STK3: variants seen among roughly 807,000 people sequenced by gnomAD.
STK3 encodes serine/threonine kinase 3, also known as serine/threonine-protein kinase 3.
A neutral mutation model predicts 58.0 loss-of-function variants in STK3; 41 were observed. The ratio of observed to expected loss-of-function variants is 0.71; its 90% CI spans 0.55 to 0.92. STK3 has a LOEUF of 0.92. Among genes scored for constraint, STK3 ranks in the 40% least tolerant of loss-of-function variants. The pLI is 0.00. For missense variants in STK3, 479 were observed against 602.7 expected, an observed-to-expected ratio of 0.79 and a Z score of 2.15; for synonymous variants, 170 against 191.0, an observed-to-expected ratio of 0.89 and a Z score of 0.91.
chr8:98,352,075 T>G, the STK3 span, among the ~76,000 whole-genome samples: 1 of 147,246 alleles, frequency 6.8e-6, no homozygotes, highest in Admixed American at 7.0e-5. Flanking sequence ...AGATGGAGCT[T>G]GTAGTGAGCT....
chr8:98,841,759 T>C (rs2131810754), intron 3 of STK3, among the ~76,000 whole-genome samples: 1 of 138,682 alleles, frequency 7.2e-6, no homozygotes, highest in South Asian at 2.4e-4. Context: ...CTATGGAAAA[T>C]GGAAAAAGAT....
chr8:98,364,560 G>A, the STK3 span, among the ~76,000 whole-genome samples: 15 of 152,234 alleles, frequency 9.9e-5, no homozygotes, highest in Non-Finnish European at 4.4e-5. Context: ...CCCAGCATGC[G>A]CCTCTCTCCC....
At chr8:98,885,478 T>C (rs1030834610) in intron 1 of STK3, among the ~76,000 whole-genome samples, 1 of 152,236 alleles carries the variant, frequency 6.6e-6, no homozygotes, top group Non-Finnish European at 1.5e-5. Context: ...TCATTCTTGT[T>C]GCCCAGGCTG....
At chr8:98,652,173 T>C (rs557659317) in intron 6 of STK3, among the ~76,000 whole-genome samples, 4 of 152,296 alleles carry the variant, frequency 2.6e-5, no homozygotes, top group African/African-American at 7.2e-5. Flanking sequence ...TGGGGGCCAA[T>C]ATTCAAGATT....
At chr8:98,442,521 A>G (rs898222264) in intron 1 of STK3, among the ~76,000 whole-genome samples, 2 of 152,266 alleles carry the variant, frequency 1.3e-5, no homozygotes, top group Non-Finnish European at 2.9e-5. Context: ...GGTTTTAGGG[A>G]AAGTGTAGGA....
At chr8:98,444,756 AAGG>A (rs968651626) in intron 1 of STK3, among the ~76,000 whole-genome samples, 3 of 152,186 alleles carry the variant, frequency 2.0e-5, no homozygotes, top group African/African-American at 4.8e-5. Context: ...GTGAAGTTTT[AAGG>A]AGAAGTTTGG....
At chr8:98,570,887 C>T (rs1334246724) in intron 8 of STK3, among the ~76,000 whole-genome samples, 1 of 152,192 alleles carries the variant, frequency 6.6e-6, no homozygotes, top group Non-Finnish European at 1.5e-5. Flanking sequence ...TATTTGGGAA[C>T]AGAACTAGAA....
At chr8:98,902,016 C>T (rs758001413) in intron 1 of STK3, among the ~76,000 whole-genome samples, 1 of 152,176 alleles carries the variant, frequency 6.6e-6, no homozygotes, top group Non-Finnish European at 1.5e-5. Flanking sequence ...CAGAAACATT[C>T]CACACAATTG....
intron 6 of STK3, among the ~76,000 whole-genome samples, chr8:98,628,243 T>C (rs921054039): frequency 6.6e-6 from 1 of 152,190 alleles, no homozygotes; most frequent in Non-Finnish European, 1.5e-5. Flanking sequence ...CCTTCGCTCA[T>C]GGCCTCCTTC....
At position 98,605,999 on chromosome 8, in the gene STK3, A is replaced by G. The variant is rs537044849; in HGVS notation, c.685-9830T>C. 9.2e-5 allele frequency among the ~76,000 whole-genome samples: 14 copies of G among 152,304 alleles called. No homozygotes were observed. The East Asian group carries it at 2.7e-3, about 29-fold the overall frequency. Reference sequence around the variant, plus strand: ...TCCCAGCGCTTTGAGAGGCTGAGGCAGTCGGATCACCTGAGGTCAGGAGTT... The same window carrying G: ...TCCCAGCGCTTTGAGAGGCTGAGGCGGTCGGATCACCTGAGGTCAGGAGTT... On this transcript the variant is annotated intron_variant, in intron 6 of 10. Transcript: ENST00000419617.
intron 1 of STK3, among the ~76,000 whole-genome samples, chr8:98,449,001 G>C (rs1819077910): frequency 6.6e-6 from 1 of 152,238 alleles, no homozygotes; most frequent in South Asian, 2.1e-4. Context: ...ACTGAAAGGT[G>C]CTTGCCTGGT....
chr8:98,888,846 T>C (rs1838091847), intron 1 of STK3, among the ~76,000 whole-genome samples: 1 of 152,234 alleles, frequency 6.6e-6, no homozygotes, highest in African/African-American at 2.4e-5. Context: ...ATGGCCCCTG[T>C]AATTTAGCTA....
At chr8:98,476,361 A>T (rs1347748747) in intron 10 of STK3, among the ~76,000 whole-genome samples, 1 of 152,216 alleles carries the variant, frequency 6.6e-6, no homozygotes, top group Admixed American at 6.5e-5. Context: ...GAAAAGTCCA[A>T]GGTAATTATC....
the STK3 span, among the ~76,000 whole-genome samples, chr8:98,360,267 T>C: frequency 1.3e-5 from 2 of 152,180 alleles, no homozygotes; most frequent in African/African-American, 4.8e-5. Context: ...CTGGTATCTC[T>C]CTCCCACGTT....
chr8:98,813,068 CAA>C (rs1834329937), intron 1 of STK3, among the ~76,000 whole-genome samples: 2 of 151,208 alleles, frequency 1.3e-5, no homozygotes, highest in Admixed American at 1.3e-4. Flanking sequence ...TGTGTTTCTT[CAA>C]AAGATGCTGA....
At chr8:98,705,196 G>A (rs1378158893) in intron 6 of STK3, among the ~76,000 whole-genome samples, 1 of 152,122 alleles carries the variant, frequency 6.6e-6, no homozygotes, top group African/African-American at 2.4e-5. Context: ...TGAGGTGGGC[G>A]GATCGCTTGA....
At chr8:98,803,143 C>T (rs1459147295) in intron 1 of STK3, among the ~76,000 whole-genome samples, 2 of 152,090 alleles carry the variant, frequency 1.3e-5, no homozygotes, top group African/African-American at 2.4e-5. Context: ...TGGGGGAAAA[C>T]CTTTAAAATT....
chr8:98,840,972 C>T (rs991931482), intron 3 of STK3, among the ~76,000 whole-genome samples: 1 of 152,208 alleles, frequency 6.6e-6, no homozygotes, highest in African/African-American at 2.4e-5. Flanking sequence ...CTCATGGGTG[C>T]TGAACTCAAG....
intron 1 of STK3, chr8:98,921,258 C>G (rs1394538900): frequency 1.3e-5 from 2 of 148,422 alleles, no homozygotes; most frequent in Admixed American, 1.3e-4. Flanking sequence ...TCAGACAAAA[C>G]CTTCAAAAAA....
Sources: gnomAD v4.1 joint callset for allele counts (sites outside exome capture counted in the v4.1 genomes callset) on GRCh38, gnomAD v4.1.1 for gene constraint, MANE v1.5 for transcripts, NCBI Gene and HGNC (gene_info 2026-07-23, HGNC 2026-07-21) for gene names.